ARID1B: variants seen among roughly 807,000 people sequenced by gnomAD.
The protein encoded by ARID1B is AT-rich interaction domain 1B.
In ARID1B, 30 loss-of-function variants were observed where a neutral mutation model predicts 212.3. The ratio of observed to expected loss-of-function variants is 0.14; its 90% CI spans 0.11 to 0.19. The LOEUF (loss-of-function observed/expected upper bound fraction) is 0.19, where lower values mean the gene tolerates loss of function less well. Among genes scored for constraint, ARID1B ranks in the 10% least tolerant of loss-of-function variants. ARID1B has a pLI of 1.00. For synonymous variants in ARID1B, 1,402 were observed against 1,301.7 expected, an observed-to-expected ratio of 1.08 and a Z score of -1.66; for missense variants, 2,891 against 3,204.0, an observed-to-expected ratio of 0.90 and a Z score of 2.36.
intron 2 of ARID1B, among the ~76,000 whole-genome samples, chr6:156,860,145 A>G: frequency 6.6e-6 from 1 of 152,236 alleles, no homozygotes; most frequent in East Asian, 1.9e-4. Flanking sequence ...TTTGCAGAAT[A>G]TGCTTTAAAT....
intron 8 of ARID1B, among the ~76,000 whole-genome samples, chr6:157,159,257 C>A (rs193023175): frequency 6.6e-6 from 1 of 152,280 alleles, no homozygotes; most frequent in East Asian, 1.9e-4. Context: ...CTTAACAAAC[C>A]AAAATCAACT....
chr6:157,196,074 T>C, intron 15 of ARID1B, 91 bp from the exon 16 acceptor site: 2 of 1,516,176 alleles, frequency 1.3e-6, no homozygotes, highest in Non-Finnish European at 1.8e-6. Flanking sequence ...AAAGAAAAAG[T>C]CCAAAGACAA....
intron 15 of ARID1B, chr6:157,193,402 A>G (rs928640313): frequency 6.6e-6 from 1 of 152,222 alleles, no homozygotes; most frequent in Non-Finnish European, 1.5e-5. Flanking sequence ...CTTTTACAGT[A>G]TAACAAACTA....
intron 1 of ARID1B, among the ~76,000 whole-genome samples, chr6:156,810,475 G>A (rs187665069): frequency 1.3e-5 from 2 of 152,320 alleles, no homozygotes; most frequent in Non-Finnish European, 2.9e-5. Flanking sequence ...CTTGTAAAGC[G>A]AGAGGGGTGT....
At chr6:156,880,988 G>A (rs1175205164) in intron 2 of ARID1B, among the ~76,000 whole-genome samples, 1 of 152,168 alleles carries the variant, frequency 6.6e-6, no homozygotes, top group Non-Finnish European at 1.5e-5. Flanking sequence ...TAAAGAGAAG[G>A]GTTTAGAATT....
At chr6:157,126,372 T>C (rs557980271) in intron 6 of ARID1B, among the ~76,000 whole-genome samples, 10 of 152,086 alleles carry the variant, frequency 6.6e-5, no homozygotes, top group African/African-American at 1.2e-4. Flanking sequence ...AACAAATCCA[T>C]AGGGGGTGTG....
At chr6:156,961,699 A>T (rs1450206123) in intron 4 of ARID1B, among the ~76,000 whole-genome samples, 1 of 152,166 alleles carries the variant, frequency 6.6e-6, no homozygotes. Flanking sequence ...TGTGAAATTG[A>T]TACAGAGGTG....
intron 4 of ARID1B, among the ~76,000 whole-genome samples, chr6:156,987,107 G>A (rs1473272410): frequency 6.6e-6 from 1 of 151,844 alleles, no homozygotes; most frequent in East Asian, 1.9e-4. Context: ...TAGCCCGGGA[G>A]GTCCAGGCTG....
intron 2 of ARID1B, among the ~76,000 whole-genome samples, chr6:156,840,901 G>C (rs1783853127): frequency 6.6e-6 from 1 of 152,134 alleles, no homozygotes; most frequent in Non-Finnish European, 1.5e-5. Flanking sequence ...CCTTGCACTG[G>C]GTGTAATACC....
intron 4 of ARID1B, among the ~76,000 whole-genome samples, chr6:157,060,161 G>A (rs564660295): frequency 1.3e-5 from 2 of 152,154 alleles, no homozygotes; most frequent in Admixed American, 6.5e-5. Context: ...TAAAGAGACC[G>A]CTGATAAGTC....
intron 15 of ARID1B, chr6:157,194,928 A>G (rs902034656): frequency 1.3e-5 from 2 of 152,202 alleles, no homozygotes. Context: ...GTTCGAGGCT[A>G]CAGTAAGCTA....
chr6:157,083,983 A>G (rs541207886), intron 4 of ARID1B, among the ~76,000 whole-genome samples: 2 of 151,976 alleles, frequency 1.3e-5, no homozygotes, highest in East Asian at 3.9e-4. Context: ...AAAATACAAA[A>G]ATTAGCCAGG....
At chr6:156,899,739 C>T (rs1022411329) in intron 2 of ARID1B, among the ~76,000 whole-genome samples, 2 of 152,094 alleles carry the variant, frequency 1.3e-5, no homozygotes, top group East Asian at 1.9e-4. Context: ...TAGAAAACAG[C>T]GCCCCCTCCC....
chr6:157,109,005 TA>T (rs1332090914), intron 5 of ARID1B, among the ~76,000 whole-genome samples: 1 of 152,244 alleles, frequency 6.6e-6, no homozygotes, highest in Non-Finnish European at 1.5e-5. Context: ...ACAATTGTTT[TA>T]TAGTAATATT....
At chr6:156,787,007 A>G (rs542552605) in intron 1 of ARID1B, among the ~76,000 whole-genome samples, 1 of 151,630 alleles carries the variant, frequency 6.6e-6, no homozygotes, top group South Asian at 2.1e-4. Flanking sequence ...CTGGTCAACA[A>G]CAATTGTAGG....
chr6:157,096,282 C>T (rs907460156), intron 5 of ARID1B, among the ~76,000 whole-genome samples: 4 of 152,158 alleles, frequency 2.6e-5, no homozygotes, highest in Admixed American at 1.3e-4. Context: ...TGGCAAGTAG[C>T]GCTATTCAGT....
intron 4 of ARID1B, chr6:157,023,805 TA>T (rs1199572166): frequency 1.3e-5 from 2 of 152,216 alleles, no homozygotes; most frequent in Non-Finnish European, 2.9e-5. Context: ...TTTGCCTACC[TA>T]ATATAATGAG....
At chr6:156,837,031 A>G (rs1010402879) in intron 2 of ARID1B, among the ~76,000 whole-genome samples, 1 of 152,218 alleles carries the variant, frequency 6.6e-6, no homozygotes, top group Non-Finnish European at 1.5e-5. Flanking sequence ...ATGCTTGACA[A>G]ATTGTATTAA....
At chr6:157,107,163 TA>T (rs1467505988) in intron 5 of ARID1B, among the ~76,000 whole-genome samples, 1 of 152,040 alleles carries the variant, frequency 6.6e-6, no homozygotes, top group Non-Finnish European at 1.5e-5. Flanking sequence ...TTCTACAAAA[TA>T]ACTGAACAGT....
Sources: gnomAD v4.1 joint callset for allele counts (sites outside exome capture counted in the v4.1 genomes callset) on GRCh38, gnomAD v4.1.1 for gene constraint, MANE v1.5 for transcripts, NCBI Gene and HGNC (gene_info 2026-07-23, HGNC 2026-07-21) for gene names.